The following DACH1 variants were observed in gnomAD, a reference collection of about 807,000 sequenced individuals.
DACH1 encodes the protein dachshund homolog 1.
A neutral mutation model predicts 54.2 loss-of-function variants in DACH1; 12 were observed. The observed-to-expected ratio is 0.22, with a 90% CI of 0.14 to 0.36. The LOEUF is 0.36. Ranked by LOEUF, DACH1 falls within the 10% of genes least tolerant of loss-of-function variation. DACH1 has a pLI of 1.00. For missense variants in DACH1, 805 were observed against 929.8 expected, an observed-to-expected ratio of 0.87 and a Z score of 1.75; for synonymous variants, 386 against 366.2, an observed-to-expected ratio of 1.05 and a Z score of -0.62.
intron 1 of DACH1, among the ~76,000 whole-genome samples, chr13:71,855,641 T>C (rs991445000): frequency 2.6e-5 from 4 of 151,986 alleles, no homozygotes; most frequent in African/African-American, 9.7e-5. Flanking sequence ...AATAAAAATA[T>C]CTTTTATGCA....
At chr13:71,751,800 A>C (rs935234987) in intron 1 of DACH1, among the ~76,000 whole-genome samples, 2 of 152,196 alleles carry the variant, frequency 1.3e-5, no homozygotes, top group African/African-American at 4.8e-5. Context: ...GCAATAATGC[A>C]AACTAAGCCA....
chr13:71,732,355 C>T (rs769650200), intron 1 of DACH1, among the ~76,000 whole-genome samples: 1 of 151,932 alleles, frequency 6.6e-6, no homozygotes, highest in South Asian at 2.1e-4. Flanking sequence ...GAGGCCGAGG[C>T]GGATGAATCT....
intron 7 of DACH1, among the ~76,000 whole-genome samples, chr13:71,486,785 G>T: frequency 6.6e-6 from 1 of 150,582 alleles, no homozygotes; most frequent in African/African-American, 2.5e-5. Flanking sequence ...AAGCGGACAA[G>T]CTAAATTAAT....
chr13:71,785,376 T>A (rs59319727), intron 1 of DACH1, among the ~76,000 whole-genome samples: 4,099 of 152,264 alleles, frequency 0.027, 183 homozygotes, highest in African/African-American at 0.091. Context: ...AAAAGCACTA[T>A]CCTGAAGATA....
chr13:71,458,868 G>A (rs1875820218), intron 10 of DACH1, among the ~76,000 whole-genome samples: 1 of 151,658 alleles, frequency 6.6e-6, no homozygotes, highest in African/African-American at 2.4e-5. Context: ...AACTAAATAT[G>A]TATTTTATTA....
intron 6 of DACH1, among the ~76,000 whole-genome samples, chr13:71,528,896 G>T (rs1336809058): frequency 2.0e-5 from 3 of 151,872 alleles, no homozygotes; most frequent in Non-Finnish European, 4.4e-5. Flanking sequence ...TTAAAAATAG[G>T]CAAATTAGTA....
chr13:71,570,237 A>G (rs1339781007), intron 4 of DACH1, among the ~76,000 whole-genome samples: 1 of 152,142 alleles, frequency 6.6e-6, no homozygotes, highest in East Asian at 1.9e-4. Context: ...CTTGATTTTT[A>G]TCAGGTTATG....
chr13:71,559,607 A>T (rs1884460154), intron 5 of DACH1, among the ~76,000 whole-genome samples: 1 of 152,132 alleles, frequency 6.6e-6, no homozygotes. Context: ...TGTGGCATCA[A>T]AGAGAGGAAA....
chr13:71,755,870 G>C (rs1430824062), intron 1 of DACH1, among the ~76,000 whole-genome samples: 1 of 151,922 alleles, frequency 6.6e-6, no homozygotes, highest in Non-Finnish European at 1.5e-5. Flanking sequence ...TTAAACTTAT[G>C]ATACTATACC....
intron 7 of DACH1, among the ~76,000 whole-genome samples, chr13:71,484,828 G>A (rs1878346089): frequency 6.6e-6 from 1 of 152,110 alleles, no homozygotes; most frequent in South Asian, 2.1e-4. Context: ...AGCACTTTGG[G>A]AGGTGGGTAG....
intron 1 of DACH1, among the ~76,000 whole-genome samples, chr13:71,782,660 C>A (rs955646759): frequency 3.9e-5 from 6 of 151,930 alleles, no homozygotes; most frequent in African/African-American, 1.5e-4. Flanking sequence ...CATCAGCATC[C>A]ATTCATCTGC....
At chr13:71,558,845 T>G (rs1884415774) in intron 5 of DACH1, among the ~76,000 whole-genome samples, 1 of 152,026 alleles carries the variant, frequency 6.6e-6, no homozygotes, top group Admixed American at 6.5e-5. Flanking sequence ...AGCTCCCAGA[T>G]CAACAATTTT....
intron 1 of DACH1, among the ~76,000 whole-genome samples, chr13:71,699,217 A>G (rs1363438188): frequency 6.6e-6 from 1 of 152,176 alleles, no homozygotes; most frequent in Non-Finnish European, 1.5e-5. Flanking sequence ...ATTGCAAGGA[A>G]GTATTTTTAC....
intron 6 of DACH1, among the ~76,000 whole-genome samples, chr13:71,528,013 G>A (rs1882127844): frequency 6.6e-6 from 1 of 151,808 alleles, no homozygotes; most frequent in African/African-American, 2.4e-5. Flanking sequence ...CAATGATTAA[G>A]GTATGCAAAT....
intron 7 of DACH1, among the ~76,000 whole-genome samples, chr13:71,482,650 T>C (rs1268960786): frequency 6.6e-6 from 1 of 152,182 alleles, no homozygotes; most frequent in Non-Finnish European, 1.5e-5. Context: ...ATCAGAACTG[T>C]CCAGCTACTT....
At chr13:71,596,140 G>A (rs1874079303) in intron 3 of DACH1, among the ~76,000 whole-genome samples, 1 of 151,982 alleles carries the variant, frequency 6.6e-6, no homozygotes, top group Non-Finnish European at 1.5e-5. Context: ...AAATGGATAA[G>A]TAGATGGCCT....
At chr13:71,462,441 C>T (rs771952037) in intron 10 of DACH1, among the ~76,000 whole-genome samples, 53 of 151,680 alleles carry the variant, frequency 3.5e-4, no homozygotes, top group Middle Eastern at 6.8e-3. Context: ...TTTTTAAATG[C>T]TCTGGAAAAT....
chr13:71,768,331 T>C (rs1490296440), intron 1 of DACH1, among the ~76,000 whole-genome samples: 2 of 151,992 alleles, frequency 1.3e-5, no homozygotes, highest in Admixed American at 6.6e-5. Context: ...CTCTAATGAC[T>C]AGGCCAGGGA....
At chr13:71,740,885 A>T (rs1343944671) in intron 1 of DACH1, among the ~76,000 whole-genome samples, 1 of 152,006 alleles carries the variant, frequency 6.6e-6, no homozygotes, top group Admixed American at 6.6e-5. Context: ...ATTTTTTTAA[A>T]ATTATGTTAA....
Sources: gnomAD v4.1 joint callset for allele counts (sites outside exome capture counted in the v4.1 genomes callset) on GRCh38, gnomAD v4.1.1 for gene constraint, MANE v1.5 for transcripts, NCBI Gene and HGNC (gene_info 2026-07-23, HGNC 2026-07-21) for gene names.